Variants in SORBS2 observed in about 807,000 individuals in gnomAD.
SORBS2 encodes sorbin and SH3 domain containing 2, also known as sorbin and SH3 domain-containing protein 2.
SORBS2 carries 46 observed loss-of-function variants against 97.7 expected under a neutral mutation model. The ratio of observed to expected loss-of-function variants is 0.47; its 90% CI spans 0.37 to 0.60. The LOEUF is 0.60. SORBS2 is among the 20% of genes least tolerant of loss of function. The probability of loss-of-function intolerance (pLI) is 0.00; values close to 1 mark genes in which losing one functional copy is unlikely to be tolerated. For synonymous variants in SORBS2, 476 were observed against 473.4 expected, an observed-to-expected ratio of 1.01 and a Z score of -0.07; for missense variants, 1,316 against 1,282.3, an observed-to-expected ratio of 1.03 and a Z score of -0.40.
At position 185,679,245 on chromosome 4, in the gene SORBS2, A is replaced by G. The variant is rs10007793; in HGVS notation, c.-197-423T>C. Among the ~76,000 whole-genome samples, 1,364 of 152,272 alleles carry G rather than the reference A, an allele frequency of 9.0e-3. 26 individuals carry two copies. The highest frequency in any genetic ancestry group is 0.031 in the African/African-American group (1,273 of 41,568). On this transcript the variant is annotated intron_variant, in intron 2 of 20. Coordinates refer to the SORBS2 transcript ENST00000284776. ...GCATATTTAACTCCTGTGTTACAGAACTGTATTCTGTAGTTCGCATTTTTT... is the reference window on the plus strand; with the variant it reads ...GCATATTTAACTCCTGTGTTACAGAGCTGTATTCTGTAGTTCGCATTTTTT...
chr4:185,685,188 A>G (rs1171358372), intron 2 of SORBS2, among the ~76,000 whole-genome samples: 1 of 152,232 alleles, frequency 6.6e-6, no homozygotes, highest in Non-Finnish European at 1.5e-5. Context: ...TACTAAATCT[A>G]TAAGCACTGG....
chr4:185,938,389 TACACACACACACAC>T (rs34337257), intron 1 of SORBS2, among the ~76,000 whole-genome samples: 25 of 136,522 alleles, frequency 1.8e-4, no homozygotes, highest in South Asian at 7.7e-4. Flanking sequence ...TGTAGACACA[TACACACACACACAC>T]ACACACACAC....
chr4:185,956,193 T>C (rs1186806444), intron 1 of SORBS2: 2 of 152,164 alleles, frequency 1.3e-5, no homozygotes, highest in East Asian at 3.9e-4. Flanking sequence ...AAGGAAGTGA[T>C]ACCTTTGGAT....
chr4:185,741,404 G>GTTTTTTTTTTTTTTTTTTTTTTTTTTTT, intron 2 of SORBS2, among the ~76,000 whole-genome samples: 1 of 111,666 alleles, frequency 9.0e-6, no homozygotes, highest in Non-Finnish European at 1.7e-5. Context: ...TTTTTTTTTT[G>GTTTTTTTTTTTTTTTTTTTTTTTTTTTT]TTTTTTTTTT....
rs140882501 is a variant in SORBS2 at position 185,935,971 on chromosome 4, C to T, written c.-338+20225G>A. 3.8e-3 allele frequency among the ~76,000 whole-genome samples: 579 copies of T among 152,294 alleles called. 4 individuals are homozygous for T. Among genetic ancestry groups the T allele is most frequent in the African/African-American group, 0.013 (551 of 41,554 alleles). Reference sequence around the variant, plus strand: ...GGCTCAAGTGATTCTCCTGCCTCAGCCTCCTGAGTAGTTGGGATTACAGGT... The same window carrying T: ...GGCTCAAGTGATTCTCCTGCCTCAGTCTCCTGAGTAGTTGGGATTACAGGT... On this transcript the variant is annotated intron_variant, in intron 1 of 20. Coordinates refer to the SORBS2 transcript ENST00000284776.
At chr4:185,730,714 A>C in intron 2 of SORBS2, among the ~76,000 whole-genome samples, 1 of 152,036 alleles carries the variant, frequency 6.6e-6, no homozygotes, top group Non-Finnish European at 1.5e-5. Flanking sequence ...CAGAGCTAGA[A>C]CAAGGGAACA....
chr4:185,728,045 T>C (rs1488613372), intron 2 of SORBS2, among the ~76,000 whole-genome samples: 1 of 152,166 alleles, frequency 6.6e-6, no homozygotes, highest in Non-Finnish European at 1.5e-5. Context: ...ATAACTTTTG[T>C]GGTGATTATT....
intron 1 of SORBS2, among the ~76,000 whole-genome samples, chr4:185,787,061 T>C (rs2099059689): frequency 6.6e-6 from 1 of 150,378 alleles, no homozygotes; most frequent in Non-Finnish European, 1.5e-5. Context: ...TTTGCATGAA[T>C]ATTGGCTACT....
chr4:185,923,934 C>T (rs903269326), intron 1 of SORBS2, among the ~76,000 whole-genome samples: 13 of 152,146 alleles, frequency 8.5e-5, no homozygotes, highest in South Asian at 6.2e-4. Context: ...TGTTAAAAGA[C>T]GCTCAATCAA....
chr4:185,875,114 G>T (rs1390519453), intron 1 of SORBS2, among the ~76,000 whole-genome samples: 1 of 151,510 alleles, frequency 6.6e-6, no homozygotes, highest in African/African-American at 2.4e-5. Context: ...CAAATCTGAG[G>T]GTAAAACTTT....
chr4:185,881,002 A>G (rs948635134), intron 1 of SORBS2, among the ~76,000 whole-genome samples: 7 of 152,200 alleles, frequency 4.6e-5, no homozygotes, highest in African/African-American at 1.4e-4. Flanking sequence ...AAAAAGAGAA[A>G]GGAAGGAAGG....
chr4:185,701,061 G>A (rs2098254651), intron 2 of SORBS2, among the ~76,000 whole-genome samples: 1 of 152,200 alleles, frequency 6.6e-6, no homozygotes, highest in African/African-American at 2.4e-5. Context: ...AGGTAGAAAT[G>A]ATCAGAACAC....
intron 1 of SORBS2, among the ~76,000 whole-genome samples, chr4:185,802,234 T>C (rs1049144598): frequency 2.6e-4 from 39 of 152,340 alleles, no homozygotes; most frequent in South Asian, 8.3e-4. Context: ...ATCTGCCTTA[T>C]AGCACTCCAT....
At chr4:185,730,169 G>C (rs2098604390) in intron 2 of SORBS2, among the ~76,000 whole-genome samples, 1 of 152,088 alleles carries the variant, frequency 6.6e-6, no homozygotes, top group Non-Finnish European at 1.5e-5. Flanking sequence ...AGCCAGGATG[G>C]TCTCGATCTG....
intron 1 of SORBS2, among the ~76,000 whole-genome samples, chr4:185,891,896 G>T (rs777053934): frequency 6.6e-6 from 1 of 151,926 alleles, no homozygotes; most frequent in Admixed American, 6.6e-5. Context: ...GTGCAGTGGC[G>T]CGATCTTGGC....
chr4:185,931,404 C>A (rs1290073038), intron 1 of SORBS2, among the ~76,000 whole-genome samples: 8 of 152,274 alleles, frequency 5.3e-5, no homozygotes, highest in African/African-American at 1.9e-4. Flanking sequence ...AGGGGGGACA[C>A]CACAAGGAGG....
chr4:185,946,780 C>T (rs892197002), intron 1 of SORBS2, among the ~76,000 whole-genome samples: 1 of 152,098 alleles, frequency 6.6e-6, no homozygotes, highest in East Asian at 1.9e-4. Flanking sequence ...AATTAAAGTG[C>T]CAAATAAGAC....
Position 185,620,097 on chromosome 4 carries a change from G to T in SORBS2, c.2270C>A (p.Ala757Glu), listed in dbSNP as rs1180744927. 1.9e-6 allele frequency: 3 copies of T among 1,611,934 alleles called. No individual in the cohort carries two copies. In the South Asian group the frequency reaches 3.3e-5, roughly 18 times the overall value. ...TGGAGTTCCTCTTCTTTCCCTTGGT[G>T]CACTTCTCCCCATGTCAGTCAAAGT... Residue 757 changes from alanine (A) to glutamate (E), a missense_variant, in exon 8 of 15, where the codon GCA (alanine) becomes GAA (glutamate). Ala to Glu is a moderately radical substitution (Grantham distance 107, BLOSUM62 -1). Transcript: ENST00000418609.
At chr4:185,862,714 A>G (rs1256577134) in intron 1 of SORBS2, among the ~76,000 whole-genome samples, 4 of 152,224 alleles carry the variant, frequency 2.6e-5, no homozygotes, top group Non-Finnish European at 5.9e-5. Flanking sequence ...GTTCCACGTT[A>G]CATGATCATT....
Sources: allele counts gnomAD v4.1 joint callset (sites outside exome capture counted in the v4.1 genomes callset), GRCh38; gene constraint gnomAD v4.1.1; transcripts MANE v1.5; gene names NCBI Gene and HGNC (gene_info 2026-07-23, HGNC 2026-07-21).